CCDC122: variants seen among roughly 807,000 people sequenced by gnomAD.
CCDC122 encodes the protein coiled-coil domain-containing protein 122.
Under a neutral mutation model 37.0 loss-of-function variants are expected in CCDC122, and 38 were observed. The ratio of observed to expected loss-of-function variants is 1.03; its 90% confidence interval spans 0.79 to 1.35. The LOEUF (loss-of-function observed/expected upper bound fraction) is 1.35. CCDC122 is among the 40% of genes most tolerant of loss of function. The probability of loss-of-function intolerance (pLI) is 0.00; values close to 1 mark genes in which losing one functional copy is unlikely to be tolerated. For synonymous variants in CCDC122, 83 were observed against 95.6 expected (o/e 0.87, Z 0.77); for missense variants, 305 against 310.0 (o/e 0.98, Z 0.12).
chr13:43,838,568 CAT>C (rs1383520324), intron 6 of CCDC122, among the ~76,000 whole-genome samples: 1 of 152,148 alleles, frequency 6.6e-6, no homozygotes, highest in African/African-American at 2.4e-5. Flanking sequence ...TTAGTATATT[CAT>C]AGAGTTGTAC....
chr13:43,851,470 C>A (rs2153872769), intron 6 of CCDC122, among the ~76,000 whole-genome samples: 1 of 152,266 alleles, frequency 6.6e-6, no homozygotes, highest in South Asian at 2.1e-4. Context: ...GAGCCAACAC[C>A]ACCACCAGCG....
chr13:43,856,565 G>A, intron 6 of CCDC122: 1 of 170,014 alleles, frequency 5.9e-6, no homozygotes, highest in Non-Finnish European at 1.3e-5. Flanking sequence ...GGGAGGCAGA[G>A]CTTGCAGTGA....
At chr13:43,832,910 T>TGAAATCA (rs1480544376), downstream of CCDC122, among the ~76,000 whole-genome samples, 1 of 152,190 alleles carries the variant, frequency 6.6e-6, no homozygotes, top group Non-Finnish European at 1.5e-5. Context: ...TGTATACAAA[T>TGAAATCA]TGTCAAACAG....
rs1009543270 is a variant in CCDC122 at position 43,837,210 on chromosome 13, G to T, written c.*70C>A. ...GATGCTTGTTATTAAGAATCCAAAAGATTTTCTTAATGTTCTGTCCAGTAA... is the reference window on the plus strand; with the variant it reads ...GATGCTTGTTATTAAGAATCCAAAATATTTTCTTAATGTTCTGTCCAGTAA... On this transcript the variant is annotated 3_prime_UTR_variant, in exon 7 of 7. Coordinates refer to ENST00000444614, the MANE Select transcript of CCDC122 (RefSeq NM_144974.5). The T allele has an allele frequency of 1.4e-6, 2 of 1,438,334 alleles. No homozygotes were observed. The highest frequency in any genetic ancestry group is 1.9e-6 in the Non-Finnish European group (2 of 1,059,902). 89.1% of individuals were successfully genotyped at this position (1,438,334 alleles called of 1,614,324 possible).
chr13:43,869,102 G>C (rs1411605552), intron 3 of CCDC122, among the ~76,000 whole-genome samples: 1 of 151,856 alleles, frequency 6.6e-6, no homozygotes, highest in Non-Finnish European at 1.5e-5. Flanking sequence ...TATAATTATA[G>C]TGCTACCATA....
downstream of CCDC122, among the ~76,000 whole-genome samples, chr13:43,823,038 T>G (rs1376763184): frequency 1.3e-5 from 2 of 152,084 alleles, no homozygotes; most frequent in Non-Finnish European, 2.9e-5. Context: ...TCACCACAGC[T>G]GAGAATGTCC....
intron 6 of CCDC122, among the ~76,000 whole-genome samples, chr13:43,842,295 A>AT (rs1953382113): frequency 1.3e-5 from 2 of 152,096 alleles, no homozygotes; most frequent in African/African-American, 4.8e-5. Context: ...CCATTTGTTG[A>AT]TAAGACTTTC....
At chr13:43,864,457 C>G (rs924813464) in intron 4 of CCDC122, among the ~76,000 whole-genome samples, 1 of 152,110 alleles carries the variant, frequency 6.6e-6, no homozygotes, top group African/African-American at 2.4e-5. Flanking sequence ...TAGTGAGGGC[C>G]TCAGGCTGCT....
At chr13:43,860,371 G>A (rs1251903864) in intron 4 of CCDC122, among the ~76,000 whole-genome samples, 1 of 151,740 alleles carries the variant, frequency 6.6e-6, no homozygotes, top group Non-Finnish European at 1.5e-5. Flanking sequence ...TTTATTTATA[G>A]GCATCAGAAG....
chr13:43,858,755 T>A (rs369885255), intron 6 of CCDC122, 26 bp downstream of exon 6: 1 of 1,344,714 alleles, frequency 7.4e-7, no homozygotes, highest in Admixed American at 2.8e-5. Flanking sequence ...CCATAAAACA[T>A]TGAAATCTAG....
At chr13:43,823,719 A>G (rs1042148641), downstream of CCDC122, among the ~76,000 whole-genome samples, 1 of 151,828 alleles carries the variant, frequency 6.6e-6, no homozygotes, top group Non-Finnish European at 1.5e-5. Flanking sequence ...TTTATTCTCT[A>G]CTCCCAGGGC....
intron 4 of CCDC122, among the ~76,000 whole-genome samples, chr13:43,865,217 A>G (rs975204195): frequency 6.6e-6 from 1 of 152,124 alleles, no homozygotes; most frequent in African/African-American, 2.4e-5. Flanking sequence ...GGTGCGGGGA[A>G]AGTATGGGAG....
At chr13:43,876,547 C>T (rs1056517378) in intron 1 of CCDC122, among the ~76,000 whole-genome samples, 1 of 152,148 alleles carries the variant, frequency 6.6e-6, no homozygotes, top group African/African-American at 2.4e-5. Flanking sequence ...ACTCTATTAC[C>T]TTTGTAAGTC....
chr13:43,835,318 G>C (rs1276943746), downstream of CCDC122, among the ~76,000 whole-genome samples: 2 of 152,140 alleles, frequency 1.3e-5, no homozygotes, highest in South Asian at 2.1e-4. Context: ...TGTGGGGTGG[G>C]GAGAGTGGGG....
chr13:43,860,188 A>G (rs1278491226), intron 4 of CCDC122, 118 bp from the exon 5 acceptor site: 15 of 481,132 alleles, frequency 3.1e-5, no homozygotes, highest in African/African-American at 4.0e-5. Flanking sequence ...TATTTATCAG[A>G]TATTTAAAAA....
rs1456448367 is a variant in CCDC122, at chr13:43,860,169, A to C, written c.157-99T>G. 4 of 536,202 alleles carry C rather than the reference A, an allele frequency of 7.5e-6. No homozygotes were observed. In the African/African-American group the frequency reaches 7.9e-5, roughly 11 times the overall value. 33.2% of individuals were successfully genotyped at this position (536,202 alleles called of 1,614,324 possible). On this transcript the variant is annotated intron_variant, in intron 4 of 6. Transcript: ENST00000444614. ...ATAATGAATATAGGAAAAATCACTT[A>C]TAAGAATATATTTATCAGATATTTA...
At chr13:43,860,455 C>T (rs1368863465) in intron 4 of CCDC122, among the ~76,000 whole-genome samples, 1 of 152,132 alleles carries the variant, frequency 6.6e-6, no homozygotes, top group Non-Finnish European at 1.5e-5. Context: ...CTAGGTCCAG[C>T]ACACTTATTG....
At chr13:43,853,848 C>A (rs1393258320) in intron 6 of CCDC122, among the ~76,000 whole-genome samples, 2 of 152,182 alleles carry the variant, frequency 1.3e-5, no homozygotes, top group East Asian at 1.9e-4. Flanking sequence ...CAAAACCACA[C>A]AATTGCATGG....
chr13:43,854,517 A>C (rs1285073766), intron 6 of CCDC122: 1 of 152,198 alleles, frequency 6.6e-6, no homozygotes, highest in African/African-American at 2.4e-5. Flanking sequence ...CCAGTACCAG[A>C]TGGGTTCACA....
Sources: allele counts gnomAD v4.1 joint callset (sites outside exome capture counted in the v4.1 genomes callset), GRCh38; gene constraint gnomAD v4.1.1; transcripts MANE v1.5; gene names NCBI Gene and HGNC (gene_info 2026-07-23, HGNC 2026-07-21).